The following ANK3 variants were observed in gnomAD, a reference collection of about 807,000 sequenced individuals.
ANK3 encodes the protein ankyrin-3.
Under a neutral mutation model 370.9 loss-of-function variants are expected in ANK3, and 57 were observed. That is an observed-to-expected ratio of 0.15 (90% CI 0.12 to 0.19). The LOEUF is 0.19. Among genes scored for constraint, ANK3 ranks in the 10% least tolerant of loss-of-function variants. The probability of loss-of-function intolerance (pLI) is 1.00; values close to 1 mark genes in which losing one functional copy is unlikely to be tolerated. For missense variants in ANK3, 4,439 were observed against 5,302.1 expected, an observed-to-expected ratio of 0.84 and a Z score of 5.06; for synonymous variants, 1,929 against 1,946.3, an observed-to-expected ratio of 0.99 and a Z score of 0.23.
At chr10:60,531,690 T>C (rs1272089947) in intron 2 of ANK3, among the ~76,000 whole-genome samples, 2 of 151,948 alleles carry the variant, frequency 1.3e-5, no homozygotes, top group Non-Finnish European at 2.9e-5. Context: ...GGAACTTTAG[T>C]GAGATTGGTA....
chr10:60,426,000 G>T (rs900634153), intron 2 of ANK3, among the ~76,000 whole-genome samples: 3 of 152,054 alleles, frequency 2.0e-5, no homozygotes, highest in Non-Finnish European at 2.9e-5. Flanking sequence ...GGTTTGGAAA[G>T]AAGAAGAAAA....
chr10:60,403,304 T>G (rs948737594), intron 2 of ANK3, among the ~76,000 whole-genome samples: 3 of 152,164 alleles, frequency 2.0e-5, no homozygotes, highest in Non-Finnish European at 4.4e-5. Context: ...ACCAACTGTT[T>G]CAGAAAACAA....
intron 1 of ANK3, among the ~76,000 whole-genome samples, chr10:60,379,377 AG>A (rs2061252669): frequency 6.6e-6 from 1 of 152,180 alleles, no homozygotes; most frequent in Admixed American, 6.5e-5. Context: ...ATTTATGCAA[AG>A]GAAATAAAAT....
At chr10:60,313,444 A>G (rs1013460148) in intron 1 of ANK3, among the ~76,000 whole-genome samples, 1 of 152,186 alleles carries the variant, frequency 6.6e-6, no homozygotes, top group East Asian at 1.9e-4. Context: ...ACTTCATGAT[A>G]TCATTAGTTT....
intron 2 of ANK3, among the ~76,000 whole-genome samples, chr10:60,447,681 T>C (rs1024405898): frequency 6.6e-6 from 1 of 152,184 alleles, no homozygotes; most frequent in African/African-American, 2.4e-5. Context: ...CTGACCTTTA[T>C]ACCAAACTAG....
intron 43 of ANK3, among the ~76,000 whole-genome samples, 197 bp from the exon 44 acceptor site, chr10:60,030,023 G>C (rs923408320): frequency 6.6e-6 from 1 of 151,530 alleles, no homozygotes; most frequent in African/African-American, 2.4e-5. Context: ...TGCCTTAGAG[G>C]ACAAGGCCCT....
chr10:60,696,749 A>G (rs2079459611), intron 1 of ANK3, among the ~76,000 whole-genome samples: 1 of 147,812 alleles, frequency 6.8e-6, no homozygotes, highest in Non-Finnish European at 1.5e-5. Context: ...GATGGGACGT[A>G]TTTCAAAATA....
chr10:60,155,821 C>T (rs1445769451), intron 23 of ANK3, among the ~76,000 whole-genome samples: 2 of 152,230 alleles, frequency 1.3e-5, no homozygotes, highest in Non-Finnish European at 1.5e-5. Flanking sequence ...CTGCCTCAAA[C>T]ATCTGACCCC....
chr10:60,657,862 T>C (rs1429925184), intron 1 of ANK3, among the ~76,000 whole-genome samples: 4 of 143,314 alleles, frequency 2.8e-5, no homozygotes, highest in African/African-American at 7.6e-5. Context: ...ATTCCTTTAG[T>C]TTTCTCCTTT....
At chr10:60,435,791 C>G (rs2064139975) in intron 2 of ANK3, among the ~76,000 whole-genome samples, 2 of 152,210 alleles carry the variant, frequency 1.3e-5, no homozygotes, top group South Asian at 4.1e-4. Flanking sequence ...TGGATTCTTT[C>G]ATTTGTCATG....
intron 1 of ANK3, among the ~76,000 whole-genome samples, chr10:60,640,386 T>C (rs1322643868): frequency 1.4e-5 from 2 of 147,388 alleles, no homozygotes; most frequent in Admixed American, 6.9e-5. Flanking sequence ...GCAAAAATCC[T>C]CAATAAAATA....
intron 17 of ANK3, among the ~76,000 whole-genome samples, chr10:60,181,643 C>T (rs1368168510): frequency 1.3e-5 from 2 of 152,048 alleles, no homozygotes; most frequent in African/African-American, 4.8e-5. Flanking sequence ...GGCAAGGTCC[C>T]ATCTCTACAA....
At chr10:60,475,813 A>G (rs530705083) in intron 2 of ANK3, among the ~76,000 whole-genome samples, 6 of 152,152 alleles carry the variant, frequency 3.9e-5, no homozygotes, top group African/African-American at 1.4e-4. Flanking sequence ...CACTGGTCTC[A>G]TGGGACGGAG....
chr10:60,129,616 G>A (rs2093956876), intron 25 of ANK3, among the ~76,000 whole-genome samples: 1 of 152,130 alleles, frequency 6.6e-6, no homozygotes, highest in Middle Eastern at 3.2e-3. Flanking sequence ...AGCTGGGCAT[G>A]GTGGCACATG....
At chr10:60,400,788 T>C (rs2063337599) in intron 2 of ANK3, among the ~76,000 whole-genome samples, 1 of 152,162 alleles carries the variant, frequency 6.6e-6, no homozygotes, top group African/African-American at 2.4e-5. Context: ...CATGGTGGTT[T>C]GCTGCACCTA....
intron 2 of ANK3, among the ~76,000 whole-genome samples, chr10:60,546,724 T>C (rs745892219): frequency 2.0e-5 from 3 of 152,070 alleles, no homozygotes; most frequent in Non-Finnish European, 4.4e-5. Flanking sequence ...GGAAAAACAA[T>C]AATTACATTA....
chr10:60,411,125 A>G (rs78303639), intron 2 of ANK3, among the ~76,000 whole-genome samples: 7 of 152,162 alleles, frequency 4.6e-5, no homozygotes, highest in Admixed American at 6.5e-5. Flanking sequence ...TGCAGCCTCT[A>G]CACCAAGCCA....
intron 2 of ANK3, among the ~76,000 whole-genome samples, chr10:60,456,118 C>T (rs1179357901): frequency 6.6e-6 from 1 of 152,184 alleles, no homozygotes. Context: ...AATCAACTGT[C>T]CTCCCAATTA....
rs531067504 is a variant in ANK3 at position 60,410,635 on chromosome 10, C to T, written c.97-130996G>A. ...GGATGCAGATTGATGTGACATGTGG[C>T]ACCTCCAGGCCTGGTCCTTAAAAAC... On this transcript the variant is annotated intron_variant, in intron 2 of 43. Coordinates refer to the ANK3 transcript ENST00000373827. Among the ~76,000 whole-genome samples, 25 of 152,214 alleles carry T rather than the reference C, an allele frequency of 1.6e-4. No individual in the cohort carries two copies. The South Asian group carries it at 4.8e-3, about 29-fold the overall frequency.
Sources: allele counts gnomAD v4.1 joint callset (sites outside exome capture counted in the v4.1 genomes callset), GRCh38; gene constraint gnomAD v4.1.1; transcripts MANE v1.5; gene names NCBI Gene and HGNC (gene_info 2026-07-23, HGNC 2026-07-21).